RALGAPA1: variants seen among roughly 807,000 people sequenced by gnomAD.
RALGAPA1 encodes the protein Ral GTPase activating protein catalytic subunit alpha 1, also known as ral GTPase-activating protein subunit alpha-1.
RALGAPA1 carries 52 observed loss-of-function variants against 269.6 expected under a neutral mutation model. That is an observed-to-expected ratio of 0.19 (90% CI 0.15 to 0.24). The LOEUF is 0.24. Ranked by LOEUF, RALGAPA1 falls within the 10% of genes least tolerant of loss-of-function variation. The pLI, the probability that RALGAPA1 is intolerant of heterozygous loss-of-function variation, is 1.00. For synonymous variants in RALGAPA1, 817 were observed against 1,008.3 expected (o/e 0.81, Z 3.60); for missense variants, 1,917 against 3,013.9 (o/e 0.64, Z 8.52).
chr14:35,680,128 G>C (rs1410172898), intron 21 of RALGAPA1, among the ~76,000 whole-genome samples: 1 of 152,118 alleles, frequency 6.6e-6, no homozygotes, highest in Non-Finnish European at 1.5e-5. Flanking sequence ...CAAATGCTTT[G>C]AAATATAAAC....
chr14:35,705,573 T>G (rs1037714543), intron 16 of RALGAPA1, among the ~76,000 whole-genome samples: 6 of 152,198 alleles, frequency 3.9e-5, no homozygotes, highest in Admixed American at 6.5e-5. Context: ...AGTTTGTCCA[T>G]TCACCTACTG....
At chr14:35,609,944 GA>G (rs1250144454) in intron 35 of RALGAPA1, among the ~76,000 whole-genome samples, 2 of 138,694 alleles carry the variant, frequency 1.4e-5, no homozygotes, top group Non-Finnish European at 3.1e-5. Context: ...AAAAAAAAAA[GA>G]AAAAAAGAAA....
intron 37 of RALGAPA1, among the ~76,000 whole-genome samples, chr14:35,585,155 A>T (rs1381379653): frequency 1.3e-5 from 2 of 152,252 alleles, no homozygotes; most frequent in Non-Finnish European, 2.9e-5. Context: ...GCCTAACAAC[A>T]AAGCATCAAA....
At chr14:35,732,346 A>T (rs555112281) in intron 12 of RALGAPA1, among the ~76,000 whole-genome samples, 1 of 152,260 alleles carries the variant, frequency 6.6e-6, no homozygotes, top group African/African-American at 2.4e-5. Flanking sequence ...GAAAACAAAA[A>T]AAAAAAACCA....
chr14:35,775,131 G>A, intron 2 of RALGAPA1, 76 bp from the exon 3 acceptor site: 2 of 861,982 alleles, frequency 2.3e-6, no homozygotes, highest in Non-Finnish European at 3.7e-6. Context: ...TTTCAAGAAT[G>A]AAGGTTTTTT....
intron 32 of RALGAPA1, among the ~76,000 whole-genome samples, chr14:35,635,206 A>G (rs1043416798): frequency 1.3e-5 from 2 of 152,020 alleles, no homozygotes; most frequent in African/African-American, 4.8e-5. Flanking sequence ...GTAAAATTCA[A>G]TACCTCTTAC....
At chr14:35,798,608 A>C (rs1449872014) in intron 1 of RALGAPA1, among the ~76,000 whole-genome samples, 1 of 152,230 alleles carries the variant, frequency 6.6e-6, no homozygotes, top group East Asian at 1.9e-4. Flanking sequence ...GTATCCAAAA[A>C]CATTTTTTTA....
intron 1 of RALGAPA1, among the ~76,000 whole-genome samples, chr14:35,799,480 C>A (rs1595600505): frequency 6.6e-6 from 1 of 151,068 alleles, no homozygotes; most frequent in Non-Finnish European, 1.5e-5. Context: ...GAGAATCGCT[C>A]TAACCTGAGA....
intron 1 of RALGAPA1, among the ~76,000 whole-genome samples, chr14:35,778,497 T>C (rs528788452): frequency 6.6e-6 from 1 of 152,340 alleles, no homozygotes; most frequent in East Asian, 1.9e-4. Flanking sequence ...ATGTTTCAAA[T>C]GTCTTATTGT....
intron 20 of RALGAPA1, among the ~76,000 whole-genome samples, chr14:35,684,436 A>G (rs1236269901): frequency 2.0e-5 from 3 of 152,236 alleles, no homozygotes; most frequent in Admixed American, 2.0e-4. Context: ...GTTCTCAAAT[A>G]TGAGTGTGTG....
At chr14:35,661,640 TCATTCATA>T (rs944118900) in intron 27 of RALGAPA1, among the ~76,000 whole-genome samples, 1 of 152,168 alleles carries the variant, frequency 6.6e-6, no homozygotes, top group Non-Finnish European at 1.5e-5. Flanking sequence ...GTTTAAAAAA[TCATTCATA>T]CATTCATTCA....
At chr14:35,762,860 A>G in intron 4 of RALGAPA1, 107 bp from the exon 5 acceptor site, 1 of 688,286 alleles carries the variant, frequency 1.5e-6, no homozygotes, top group Non-Finnish European at 2.6e-6. Context: ...GGCAACCTCC[A>G]AATTATTCTT....
At chr14:35,753,650 A>G (rs1245201554) in intron 7 of RALGAPA1, among the ~76,000 whole-genome samples, 3 of 152,166 alleles carry the variant, frequency 2.0e-5, no homozygotes, top group African/African-American at 7.2e-5. Context: ...ATATATAGAG[A>G]CAGAAAATCA....
At chr14:35,717,033 C>A (rs1393923835) in intron 16 of RALGAPA1, among the ~76,000 whole-genome samples, 1 of 152,202 alleles carries the variant, frequency 6.6e-6, no homozygotes, top group Non-Finnish European at 1.5e-5. Context: ...TTGCTTAAAT[C>A]TATTAAGGCT....
At position 35,549,109 on chromosome 14, in the gene RALGAPA1, C is replaced by A. The variant is rs766004508; in HGVS notation, c.7621+1G>T. 1 of 1,610,538 alleles carries A rather than the reference C, an allele frequency of 6.2e-7. No homozygotes were observed. The highest frequency in any genetic ancestry group is 1.7e-5 in the Admixed American group (1 of 59,942). On this transcript the variant is annotated splice_donor_variant, in intron 40 of 41. Coordinates refer to ENST00000680220, the MANE Select transcript of RALGAPA1 (RefSeq NM_001346249.2). LOFTEE classifies it high-confidence loss of function. ...TAACTAATACTCGCTTTTAATCTTA[C>A]CGGCATCAGATGGTAAATGGTGGTA... is the stretch of plus-strand genomic sequence containing the variant.
chr14:35,573,580 A>G (rs1412990476), intron 37 of RALGAPA1, among the ~76,000 whole-genome samples: 3 of 152,170 alleles, frequency 2.0e-5, no homozygotes, highest in Admixed American at 6.5e-5. Context: ...GGCAATTTCT[A>G]TCTCAGAAAT....
chr14:35,759,208 A>G (rs1358362867), intron 6 of RALGAPA1, among the ~76,000 whole-genome samples: 1 of 152,244 alleles, frequency 6.6e-6, no homozygotes, highest in African/African-American at 2.4e-5. Context: ...CCAGCTTGGT[A>G]CTGTTTCTAA....
intron 18 of RALGAPA1, 75 bp from the exon 19 acceptor site, chr14:35,686,741 C>T: frequency 2.6e-6 from 2 of 778,822 alleles, no homozygotes; most frequent in Non-Finnish European, 3.8e-6. Flanking sequence ...CAAACAACAA[C>T]CCAAAACAAA....
chr14:35,628,083 T>C (rs1366380225), intron 33 of RALGAPA1, 132 bp from the exon 34 acceptor site: 1 of 1,025,254 alleles, frequency 9.8e-7, no homozygotes, highest in Non-Finnish European at 1.4e-6. Flanking sequence ...CATAATACAG[T>C]AATGATGGCA....
Sources: gnomAD v4.1 joint callset for allele counts (sites outside exome capture counted in the v4.1 genomes callset) on GRCh38, gnomAD v4.1.1 for gene constraint, MANE v1.5 for transcripts, NCBI Gene and HGNC (gene_info 2026-07-23, HGNC 2026-07-21) for gene names.